CFAP20DC: variants seen among roughly 807,000 people sequenced by gnomAD.
The protein encoded by CFAP20DC is CFAP20 domain containing.
Under a neutral mutation model 101.7 loss-of-function variants are expected in CFAP20DC, and 84 were observed. The observed-to-expected ratio is 0.83, with a 90% confidence interval of 0.69 to 0.99. The LOEUF (loss-of-function observed/expected upper bound fraction) is 0.99, where lower values mean the gene tolerates loss of function less well. Among genes scored for constraint, CFAP20DC ranks in the 50% least tolerant of loss-of-function variants. The pLI is 0.00. For synonymous variants in CFAP20DC, 359 were observed against 351.2 expected (o/e 1.02, Z -0.25); for missense variants, 1,007 against 970.3 (o/e 1.04, Z -0.50).
intron 7 of CFAP20DC, among the ~76,000 whole-genome samples, chr3:58,870,842 T>C (rs1304767903): frequency 8.1e-6 from 1 of 123,700 alleles, no homozygotes; most frequent in Non-Finnish European, 1.6e-5. Context: ...GAGCCGAGAT[T>C]GCGCCACTGC....
chr3:58,717,252 G>A (rs957730545), downstream of CFAP20DC: 1 of 179,898 alleles, frequency 5.6e-6, no homozygotes, highest in Non-Finnish European at 1.2e-5. The surrounding 1 kb of genome is among the most constrained non-coding windows in gnomAD (Gnocchi z 4.1). Context: ...CGATGAAGGT[G>A]TATTGCTGGC....
At chr3:58,936,994 A>T (rs1392652618) in intron 5 of CFAP20DC, among the ~76,000 whole-genome samples, 3 of 152,154 alleles carry the variant, frequency 2.0e-5, no homozygotes, top group Admixed American at 6.6e-5. Flanking sequence ...TTTAAAGGAA[A>T]GTATCAAGTG....
At chr3:58,891,993 T>C (rs540759033) in intron 6 of CFAP20DC, among the ~76,000 whole-genome samples, 1 of 152,362 alleles carries the variant, frequency 6.6e-6, no homozygotes, top group East Asian at 1.9e-4. Context: ...TTAATCCATC[T>C]TGAGTTGATT....
intron 7 of CFAP20DC, among the ~76,000 whole-genome samples, chr3:58,873,482 CTATGCTG>C: frequency 7.1e-6 from 1 of 141,594 alleles, no homozygotes; most frequent in Middle Eastern, 4.8e-3. Context: ...TCTGGACCAG[CTATGCTG>C]GATGCTGTCA....
intron 7 of CFAP20DC, among the ~76,000 whole-genome samples, chr3:58,871,524 G>A (rs992611558): frequency 2.0e-5 from 3 of 150,440 alleles, no homozygotes; most frequent in African/African-American, 4.9e-5. Context: ...ACTGAATTCC[G>A]ACTTTTCTTT....
At chr3:58,853,638 G>C (rs1187250253) in intron 12 of CFAP20DC, among the ~76,000 whole-genome samples, 6 of 152,154 alleles carry the variant, frequency 3.9e-5, no homozygotes, top group Admixed American at 6.5e-5. Flanking sequence ...TATCCACCAT[G>C]ATCAAGTGGG....
intron 4 of CFAP20DC, among the ~76,000 whole-genome samples, chr3:58,939,631 C>T (rs1167595977): frequency 6.0e-5 from 9 of 151,192 alleles, no homozygotes; most frequent in South Asian, 4.2e-4. Flanking sequence ...GCTAATTTTT[C>T]GTATTTTTAG....
intron 13 of CFAP20DC, among the ~76,000 whole-genome samples, chr3:58,838,329 ATGGACC>A (rs1223002288): frequency 4.6e-5 from 7 of 152,196 alleles, no homozygotes; most frequent in Non-Finnish European, 1.0e-4. Flanking sequence ...TGGCAGGCAC[ATGGACC>A]TAGGCATAAC....
At position 58,819,475 on chromosome 3, in the gene CFAP20DC, A is replaced by T. The variant is rs867467538; in HGVS notation, c.2175+12211T>A. 7.9e-4 allele frequency among the ~76,000 whole-genome samples: 119 copies of T among 149,996 alleles called. 1 individual carries two copies. In the South Asian group the frequency reaches 0.02, roughly 26 times the overall value. On this transcript the variant is annotated intron_variant, in intron 14 of 16. Coordinates refer to ENST00000482387, the MANE Select transcript of CFAP20DC (RefSeq NM_001394063.1). ...TAAAGGGGATATCACCACCGATCCC[A>T]CAGAAATACAAACTACCATCAGAGA...
chr3:59,038,239 C>A (rs1018549928), intron 4 of CFAP20DC, among the ~76,000 whole-genome samples: 1 of 152,042 alleles, frequency 6.6e-6, no homozygotes, highest in African/African-American at 2.4e-5. Flanking sequence ...ATGTAACAAA[C>A]CTGCACGTTC....
chr3:58,914,694 T>TA lies in CFAP20DC; in HGVS notation c.394-831_394-830insT, dbSNP rs1559814778. 6.8e-5 allele frequency among the ~76,000 whole-genome samples: 10 copies of TA among 147,596 alleles called. No homozygotes were observed. Among genetic ancestry groups the TA allele is most frequent in the African/African-American group, 2.3e-4 (9 of 39,730 alleles). ...TATATATAAATATATATATATATAT[T>TA]TTTTTTCTTTTTTTTAAAGACAAAT... On this transcript the variant is annotated intron_variant, in intron 5 of 16. Coordinates refer to ENST00000482387, the MANE Select transcript of CFAP20DC (RefSeq NM_001394063.1). The surrounding 1 kb of genome is among the most constrained non-coding windows in gnomAD (Gnocchi z 4.9).
At chr3:58,781,572 C>T (rs1428420891) in intron 15 of CFAP20DC, among the ~76,000 whole-genome samples, 1 of 151,340 alleles carries the variant, frequency 6.6e-6, no homozygotes, top group Non-Finnish European at 1.5e-5. Context: ...AAAGAGAATA[C>T]CCAAATAAAA....
chr3:58,812,555 T>C (rs941975212), intron 14 of CFAP20DC, among the ~76,000 whole-genome samples: 1 of 145,702 alleles, frequency 6.9e-6, no homozygotes, highest in African/African-American at 2.6e-5. Context: ...GGGACTGTTG[T>C]GGGGTGGGGG....
chr3:58,852,318 G>A (rs1187308614), intron 12 of CFAP20DC, among the ~76,000 whole-genome samples: 1 of 151,928 alleles, frequency 6.6e-6, no homozygotes, highest in Non-Finnish European at 1.5e-5. Context: ...AACCAATACA[G>A]GAGCACCCAG....
At chr3:58,757,333 A>T (rs904653657) in intron 15 of CFAP20DC, among the ~76,000 whole-genome samples, 1 of 152,008 alleles carries the variant, frequency 6.6e-6, no homozygotes, top group African/African-American at 2.4e-5. Context: ...CTGTATTTTC[A>T]TATATTTAAG....
intron 14 of CFAP20DC, among the ~76,000 whole-genome samples, chr3:58,826,147 T>G (rs75428503): frequency 6.6e-6 from 1 of 152,210 alleles, no homozygotes; most frequent in Non-Finnish European, 1.5e-5. Flanking sequence ...AATCAGGCCC[T>G]GCTCAGAAGG....
chr3:58,841,143 G>A (rs2077073529), intron 13 of CFAP20DC, among the ~76,000 whole-genome samples: 1 of 152,238 alleles, frequency 6.6e-6, no homozygotes, highest in Admixed American at 6.5e-5. Context: ...AACCTGCACA[G>A]TTAGCCAGGG....
chr3:58,976,565 T>G (rs879453815), intron 4 of CFAP20DC, among the ~76,000 whole-genome samples: 1 of 152,166 alleles, frequency 6.6e-6, no homozygotes, highest in South Asian at 2.1e-4. Context: ...TTACACTATT[T>G]GCAAAACTTG....
At chr3:58,773,452 G>C (rs1484922918) in intron 15 of CFAP20DC, among the ~76,000 whole-genome samples, 3 of 151,882 alleles carry the variant, frequency 2.0e-5, no homozygotes, top group African/African-American at 7.3e-5. Flanking sequence ...GCTACTTGGG[G>C]GGCTGAAGTG....
Sources: gnomAD v4.1 joint callset for allele counts (sites outside exome capture counted in the v4.1 genomes callset) on GRCh38, gnomAD v4.1.1 for gene constraint, Gnocchi (gnomAD v3.1) non-coding constraint, MANE v1.5 for transcripts, NCBI Gene and HGNC (gene_info 2026-07-23, HGNC 2026-07-21) for gene names.